RABGAP1L: variants seen among roughly 807,000 people sequenced by gnomAD.
RABGAP1L encodes RAB GTPase activating protein 1 like.
A neutral mutation model predicts 137.7 loss-of-function variants in RABGAP1L; 63 were observed. The ratio of observed to expected loss-of-function variants is 0.46; its 90% CI spans 0.37 to 0.56. RABGAP1L has a LOEUF of 0.56. RABGAP1L is among the 20% of genes least tolerant of loss of function. The probability of loss-of-function intolerance (pLI) is 0.00; values close to 1 mark genes in which losing one functional copy is unlikely to be tolerated. For missense variants in RABGAP1L, 1,095 were observed against 1,244.0 expected (o/e 0.88, Z 1.80); for synonymous variants, 431 against 433.7 (o/e 0.99, Z 0.08).
intron 13 of RABGAP1L, among the ~76,000 whole-genome samples, chr1:174,500,317 T>C (rs115170243): frequency 0.021 from 3,195 of 152,222 alleles, 118 homozygotes; most frequent in African/African-American, 0.074. Context: ...TGACCTCAGG[T>C]AATCCACCCT....
chr1:174,422,688 C>A (rs1048649329), intron 13 of RABGAP1L, among the ~76,000 whole-genome samples: 2 of 151,946 alleles, frequency 1.3e-5, no homozygotes, highest in African/African-American at 4.8e-5. Flanking sequence ...GCACGGTGGC[C>A]TGTAATCCCA....
intron 19 of RABGAP1L, among the ~76,000 whole-genome samples, chr1:174,919,681 G>A (rs1371971986): frequency 6.6e-6 from 1 of 151,998 alleles, no homozygotes; most frequent in Admixed American, 6.6e-5. Flanking sequence ...AAGCAACACA[G>A]TGTTTCTACA....
chr1:174,679,586 T>C (rs920327744), intron 14 of RABGAP1L, among the ~76,000 whole-genome samples: 1 of 152,194 alleles, frequency 6.6e-6, no homozygotes, highest in African/African-American at 2.4e-5. Flanking sequence ...AATATAGTAC[T>C]GGAGTCAGTG....
intron 23 of RABGAP1L, among the ~76,000 whole-genome samples, chr1:174,981,429 A>G (rs999946045): frequency 2.0e-5 from 3 of 152,144 alleles, no homozygotes; most frequent in Non-Finnish European, 2.9e-5. Context: ...CCTCATCACC[A>G]GAGCTATTTT....
chr1:174,216,354 G>C (rs1669317992), intron 1 of RABGAP1L, among the ~76,000 whole-genome samples: 1 of 152,084 alleles, frequency 6.6e-6, no homozygotes, highest in Non-Finnish European at 1.5e-5. Flanking sequence ...TACTCCATTT[G>C]CCCTGATGTG....
intron 21 of RABGAP1L, among the ~76,000 whole-genome samples, chr1:174,970,215 G>C (rs1670018359): frequency 6.6e-6 from 1 of 152,162 alleles, no homozygotes; most frequent in African/African-American, 2.4e-5. Flanking sequence ...CAGAACCAAA[G>C]AAGGTAGCCG....
intron 19 of RABGAP1L, among the ~76,000 whole-genome samples, chr1:174,900,288 C>T (rs1229301370): frequency 6.6e-6 from 1 of 152,210 alleles, no homozygotes; most frequent in Non-Finnish European, 1.5e-5. Flanking sequence ...CGGGCCTGAT[C>T]ATAAGAGCCC....
intron 1 of RABGAP1L, among the ~76,000 whole-genome samples, chr1:174,195,832 T>C (rs1478967462): frequency 7.5e-6 from 1 of 133,828 alleles, no homozygotes; most frequent in African/African-American, 2.7e-5. Context: ...TTTCTATCCT[T>C]CTTCTTCTTT....
intron 10 of RABGAP1L, among the ~76,000 whole-genome samples, chr1:174,282,576 T>C (rs1280570765): frequency 6.6e-6 from 1 of 152,230 alleles, no homozygotes; most frequent in Non-Finnish European, 1.5e-5. Context: ...GCTTGCCTTT[T>C]TATTTTCATA....
chr1:174,224,196 C>T (rs879710286), intron 3 of RABGAP1L, among the ~76,000 whole-genome samples: 5 of 152,118 alleles, frequency 3.3e-5, no homozygotes, highest in Admixed American at 3.3e-4. Flanking sequence ...TAAGTCTGGC[C>T]TGGGCATGGT....
intron 8 of RABGAP1L, among the ~76,000 whole-genome samples, chr1:174,274,189 T>G (rs1674779027): frequency 6.6e-6 from 1 of 152,172 alleles, no homozygotes; most frequent in Admixed American, 6.6e-5. Flanking sequence ...TTAATACTTT[T>G]ACTCCTTCTA....
intron 14 of RABGAP1L, among the ~76,000 whole-genome samples, chr1:174,644,664 A>G (rs1674808673): frequency 1.3e-5 from 2 of 152,114 alleles, no homozygotes; most frequent in Admixed American, 6.6e-5. Context: ...CTATATTCAA[A>G]TGGCTTAAAT....
chr1:174,370,218 T>C (rs1400291673), intron 11 of RABGAP1L, among the ~76,000 whole-genome samples: 1 of 152,208 alleles, frequency 6.6e-6, no homozygotes, highest in Non-Finnish European at 1.5e-5. Context: ...CCTTTTCTTA[T>C]GTAGTACTGT....
intron 13 of RABGAP1L, among the ~76,000 whole-genome samples, chr1:174,629,394 G>A (rs1673153766): frequency 6.6e-6 from 1 of 152,118 alleles, no homozygotes; most frequent in South Asian, 2.1e-4. Flanking sequence ...GACTAATGTA[G>A]CAAAATACCT....
intron 7 of RABGAP1L, 108 bp from the exon 8 acceptor site, chr1:174,272,306 A>C (rs1445131993): frequency 6.9e-6 from 8 of 1,160,082 alleles, no homozygotes; most frequent in African/African-American, 1.6e-5. Context: ...TAAAGCTTAT[A>C]AATACAGAGC....
At chr1:174,989,569 CAACCTA>C (rs1558311622) in intron 25 of RABGAP1L, among the ~76,000 whole-genome samples, 1 of 152,154 alleles carries the variant, frequency 6.6e-6, no homozygotes, top group African/African-American at 2.4e-5. Flanking sequence ...TATCGGATTG[CAACCTA>C]AACCTAAATT....
intron 13 of RABGAP1L, among the ~76,000 whole-genome samples, chr1:174,476,339 A>G (rs919278504): frequency 9.2e-5 from 14 of 152,196 alleles, no homozygotes; most frequent in Non-Finnish European, 8.8e-5. Flanking sequence ...CTGAATATCT[A>G]AGATATTTCA....
intron 18 of RABGAP1L, among the ~76,000 whole-genome samples, chr1:174,790,698 A>G (rs1191672682): frequency 6.6e-6 from 1 of 151,784 alleles, no homozygotes; most frequent in East Asian, 1.9e-4. Flanking sequence ...AGCTAGCCAT[A>G]TGAAGATTGG....
In RABGAP1L at chr1:174,659,831, G is replaced by C. The variant is rs76153505; in HGVS notation, c.1824+22343G>C. The stretch of plus-strand genomic sequence containing the variant: ...CCCGTAGTTTTTTTTTCCCATCTCA[G>C]CTAACAGTAACTCCATTCTTTCAAT... On this transcript the variant is annotated intron_variant, in intron 14 of 25. Coordinates refer to ENST00000681986, the MANE Select transcript of RABGAP1L (RefSeq NM_001366446.1). Among the ~76,000 whole-genome samples the C allele has an allele frequency of 6.8e-4, 104 of 152,016 alleles. 3 individuals are homozygous for C. In the East Asian group the frequency reaches 0.019, roughly 28 times the overall value.
Sources: allele counts gnomAD v4.1 joint callset (sites outside exome capture counted in the v4.1 genomes callset), GRCh38; gene constraint gnomAD v4.1.1; transcripts MANE v1.5; gene names NCBI Gene and HGNC (gene_info 2026-07-23, HGNC 2026-07-21).